PLCB4: variants seen among roughly 807,000 people sequenced by gnomAD.
PLCB4 encodes the protein phospholipase C beta 4.
PLCB4 carries 77 observed loss-of-function variants against 178.8 expected under a neutral mutation model. The ratio of observed to expected loss-of-function variants is 0.43; its 90% confidence interval spans 0.36 to 0.52. The LOEUF (loss-of-function observed/expected upper bound fraction) is 0.52. PLCB4 is among the 20% of genes least tolerant of loss of function. The probability of loss-of-function intolerance (pLI) is 0.00; values close to 1 mark genes in which losing one functional copy is unlikely to be tolerated. For synonymous variants in PLCB4, 496 were observed against 490.8 expected (o/e 1.01, Z -0.14); for missense variants, 1,024 against 1,453.4 (o/e 0.70, Z 4.80).
At chr20:9,279,782 A>C (rs1444716457) in intron 3 of PLCB4, among the ~76,000 whole-genome samples, 1 of 152,070 alleles carries the variant, frequency 6.6e-6, no homozygotes, top group Admixed American at 6.6e-5. Flanking sequence ...ATTTTCCTTC[A>C]AGTCTTTTGC....
intron 15 of PLCB4, among the ~76,000 whole-genome samples, chr20:9,389,600 G>C (rs2037967385): frequency 6.6e-6 from 1 of 152,210 alleles, no homozygotes; most frequent in Non-Finnish European, 1.5e-5. Context: ...ACAAGCCACA[G>C]ACTGGCATGC....
At chr20:9,415,539 CCTT>C (rs1185259786) in intron 25 of PLCB4, among the ~76,000 whole-genome samples, 2 of 152,180 alleles carry the variant, frequency 1.3e-5, no homozygotes, top group South Asian at 2.1e-4. Flanking sequence ...GGTTAGCAAC[CCTT>C]CTTCTCTCCC....
chr20:9,408,578 T>G (rs968156366), intron 22 of PLCB4, 55 bp from the exon 23 acceptor site: 5 of 828,660 alleles, frequency 6.0e-6, no homozygotes, highest in Non-Finnish European at 1.0e-5. Context: ...TTGCTGTTTT[T>G]CGGTGAGGGT....
intron 4 of PLCB4, among the ~76,000 whole-genome samples, chr20:9,313,492 A>G (rs2094860904): frequency 6.6e-6 from 1 of 152,206 alleles, no homozygotes; most frequent in Non-Finnish European, 1.5e-5. Context: ...ATCACAAACC[A>G]AAAATAAAAT....
chr20:9,450,728 A>C (rs2042716338), intron 32 of PLCB4, among the ~76,000 whole-genome samples: 1 of 138,332 alleles, frequency 7.2e-6, no homozygotes, highest in Non-Finnish European at 1.5e-5. Flanking sequence ...GACTCACTGC[A>C]ACCTATGCCT....
chr20:9,454,764 TA>T (rs2042961164), intron 33 of PLCB4, among the ~76,000 whole-genome samples: 1 of 152,202 alleles, frequency 6.6e-6, no homozygotes, highest in South Asian at 2.1e-4. Context: ...GGTGGGTAAC[TA>T]AAATGCCTGC....
Position 9,453,373 on chromosome 20 carries a change from C to T in PLCB4, c.2907C>T (p.His969=), listed in dbSNP as rs908278196. The T allele has an allele frequency of 6.2e-6, 10 of 1,611,714 alleles. No homozygotes were observed. Among genetic ancestry groups the T allele is most frequent in the Non-Finnish European group, 8.5e-6 (10 of 1,178,286 alleles). Reference sequence around the variant, plus strand: ...AACACAGTACCATGCAGAAGTTACACTGCACGCAAGTTGACAAAATTGTGG... The same window carrying T: ...AACACAGTACCATGCAGAAGTTACATTGCACGCAAGTTGACAAAATTGTGG... ...AKEHSTMQKL[H]CTQVDKIVAQ... is the part of the protein sequence containing the mutation. The change falls in exon 33 of 40, where the codon CAC becomes CAT. Residue 969 remains histidine, a synonymous_variant. Transcript: ENST00000378473.
At chr20:9,310,444 C>G (rs2094818134) in intron 4 of PLCB4, among the ~76,000 whole-genome samples, 1 of 152,140 alleles carries the variant, frequency 6.6e-6, no homozygotes, top group African/African-American at 2.4e-5. Flanking sequence ...GGCACAGTGT[C>G]TTATGCCTGT....
chr20:9,160,611 AGT>A (rs1465646991), intron 2 of PLCB4, among the ~76,000 whole-genome samples: 2 of 152,218 alleles, frequency 1.3e-5, no homozygotes, highest in Non-Finnish European at 2.9e-5. Flanking sequence ...GAATGCAGAA[AGT>A]GAGCTTGGAG....
intron 3 of PLCB4, among the ~76,000 whole-genome samples, chr20:9,217,779 A>G (rs1438026663): frequency 6.6e-6 from 1 of 152,136 alleles, no homozygotes; most frequent in African/African-American, 2.4e-5. Flanking sequence ...CTGGGGAGAA[A>G]TGTTTCTGTG....
chr20:9,264,059 C>G (rs779695217), intron 3 of PLCB4, among the ~76,000 whole-genome samples: 7 of 152,072 alleles, frequency 4.6e-5, no homozygotes, highest in Non-Finnish European at 1.0e-4. Flanking sequence ...GGCTAAATAA[C>G]AAGTTTTGAT....
At chr20:9,348,134 C>A (rs1386278426) in intron 7 of PLCB4, among the ~76,000 whole-genome samples, 1 of 152,172 alleles carries the variant, frequency 6.6e-6, no homozygotes, top group African/African-American at 2.4e-5. Context: ...CATCATGACA[C>A]CAGGAGTCAG....
rs1049940002 is a variant in PLCB4 at position 9,229,936 on chromosome 20, G to A, written c.-16+12484G>A. On this transcript the variant is annotated intron_variant, in intron 3 of 39. Transcript: ENST00000378473. ...TTATCAGGGAAAAAAGCTGGGAAAT[G>A]TATTACACTTTTTTTTTCCACTGGT... is the stretch of plus-strand genomic sequence containing the variant. Among the ~76,000 whole-genome samples the A allele has an allele frequency of 9.9e-5, 15 of 152,204 alleles. No individual in the cohort carries two copies. In the East Asian group the frequency reaches 1.2e-3, roughly 12 times the overall value.
chr20:9,205,108 A>G (rs927887510), intron 2 of PLCB4, among the ~76,000 whole-genome samples: 38 of 152,168 alleles, frequency 2.5e-4, no homozygotes, highest in Admixed American at 6.5e-5. Flanking sequence ...AAATTTTTAT[A>G]TTTTTGCAGG....
chr20:9,162,623 G>A (rs113833816), intron 2 of PLCB4, among the ~76,000 whole-genome samples: 36 of 152,166 alleles, frequency 2.4e-4, no homozygotes, highest in African/African-American at 8.2e-4. Context: ...TAGTAGTTAC[G>A]TTCATCAATT....
rs539023543 is a variant in PLCB4 at position 9,395,847 on chromosome 20, C to T, written c.1510+229C>T. On this transcript the variant is annotated intron_variant, in intron 19 of 39. Coordinates refer to ENST00000378473, the MANE Select transcript of PLCB4 (RefSeq NM_001377142.1). ...ATTAGCCAGACGTGGTGGCCTGTGT[C>T]TGTAGTCCCAGCTACTGGGGAGGCT... Among the ~76,000 whole-genome samples the T allele has an allele frequency of 7.3e-4, 111 of 152,226 alleles. 1 individual carries two copies. The Middle Eastern group carries it at 0.017, about 23-fold the overall frequency.
chr20:9,284,712 C>A (rs1299475928), intron 3 of PLCB4, among the ~76,000 whole-genome samples: 1 of 151,788 alleles, frequency 6.6e-6, no homozygotes, highest in Non-Finnish European at 1.5e-5. Flanking sequence ...TACCTTCTTC[C>A]ACAGGAAATA....
At chr20:9,164,957 G>T (rs552874474) in intron 2 of PLCB4, among the ~76,000 whole-genome samples, 53 of 152,276 alleles carry the variant, frequency 3.5e-4, no homozygotes, top group Admixed American at 2.0e-4. Context: ...GTGTAAAAGT[G>T]GTTGAAATGT....
At chr20:9,101,250 C>G (rs1322075913) in intron 2 of PLCB4, among the ~76,000 whole-genome samples, 1 of 152,144 alleles carries the variant, frequency 6.6e-6, no homozygotes, top group African/African-American at 2.4e-5. Context: ...TAGGGCAAAT[C>G]TGGGACAAGG....
Sources: gnomAD v4.1 joint callset for allele counts (sites outside exome capture counted in the v4.1 genomes callset) on GRCh38, gnomAD v4.1.1 for gene constraint, MANE v1.5 for transcripts, NCBI Gene and HGNC (gene_info 2026-07-23, HGNC 2026-07-21) for gene names.